CHODL: variants seen among roughly 807,000 people sequenced by gnomAD.
CHODL encodes transmembrane protein MT75.
A neutral mutation model predicts 34.5 loss-of-function variants in CHODL; 29 were observed. The observed-to-expected ratio is 0.84, with a 90% CI of 0.63 to 1.15. The LOEUF (loss-of-function observed/expected upper bound fraction) is 1.15, where lower values mean the gene tolerates loss of function less well. CHODL is among the 50% of genes most tolerant of loss of function. The probability of loss-of-function intolerance (pLI) is 0.00; values close to 1 mark genes in which losing one functional copy is unlikely to be tolerated. For missense variants in CHODL, 332 were observed against 332.5 expected, an observed-to-expected ratio of 1.00 and a Z score of 0.01; for synonymous variants, 125 against 116.1, an observed-to-expected ratio of 1.08 and a Z score of -0.49.
At chr21:18,245,539 C>A (rs1289222555) in intron 1 of CHODL, among the ~76,000 whole-genome samples, 1 of 152,198 alleles carries the variant, frequency 6.6e-6, no homozygotes, top group African/African-American at 2.4e-5. Flanking sequence ...CGGAGCGAGC[C>A]TCTGCTTCAT....
At chr21:18,176,242 A>T (rs953616997) in intron 2 of CHODL, among the ~76,000 whole-genome samples, 7 of 152,204 alleles carry the variant, frequency 4.6e-5, no homozygotes, top group Admixed American at 4.6e-4. Context: ...AAGCTTAATG[A>T]GATTAAGAAA....
intron 1 of CHODL, among the ~76,000 whole-genome samples, chr21:17,981,607 CGTCA>C (rs2063714645): frequency 6.6e-6 from 1 of 152,068 alleles, no homozygotes; most frequent in African/African-American, 2.4e-5. Flanking sequence ...AGGAATAATA[CGTCA>C]AACATTTACA....
chr21:17,941,286 CTT>C (rs34255623), intron 1 of CHODL, among the ~76,000 whole-genome samples: 4,496 of 87,986 alleles, frequency 0.051, 171 homozygotes, highest in African/African-American at 0.14. Context: ...TAACTTGCCT[CTT>C]TTTTTTTTTT....
intron 1 of CHODL, among the ~76,000 whole-genome samples, chr21:18,026,890 T>C (rs1038056813): frequency 1.3e-5 from 2 of 152,180 alleles, no homozygotes; most frequent in African/African-American, 4.8e-5. Context: ...TCAAAATTCA[T>C]TTTTGAAGGA....
chr21:18,057,215 C>G (rs1453308491), intron 2 of CHODL, among the ~76,000 whole-genome samples: 1 of 152,076 alleles, frequency 6.6e-6, no homozygotes, highest in Non-Finnish European at 1.5e-5. Context: ...CAGCATCTAG[C>G]ATTCATGTGG....
intron 2 of CHODL, among the ~76,000 whole-genome samples, chr21:18,136,218 TGTTA>T (rs1437799081): frequency 1.3e-5 from 2 of 151,956 alleles, no homozygotes; most frequent in Non-Finnish European, 2.9e-5. Flanking sequence ...TATAACCAAC[TGTTA>T]GTTCTCCATC....
chr21:18,259,830 C>T (rs2074359310), intron 3 of CHODL, among the ~76,000 whole-genome samples: 1 of 152,178 alleles, frequency 6.6e-6, no homozygotes, highest in African/African-American at 2.4e-5. Flanking sequence ...TGTCTCTGAA[C>T]TGCATTTAAT....
chr21:18,132,494 A>G (rs2072669017), intron 2 of CHODL, among the ~76,000 whole-genome samples: 1 of 152,150 alleles, frequency 6.6e-6, no homozygotes, highest in Non-Finnish European at 1.5e-5. Context: ...CTAAAGTTCA[A>G]ACTTTATTGT....
chr21:18,240,124 A>G (rs1295930386), upstream of CHODL, among the ~76,000 whole-genome samples: 1 of 152,118 alleles, frequency 6.6e-6, no homozygotes, highest in Admixed American at 6.5e-5. Context: ...GCATAATAGC[A>G]ATTGTTATTT....
chr21:17,960,896 C>G (rs73890840), intron 1 of CHODL, among the ~76,000 whole-genome samples: 69 of 152,244 alleles, frequency 4.5e-4, no homozygotes, highest in African/African-American at 1.5e-3. Flanking sequence ...GTTTTTATTT[C>G]TCAAGTTTGT....
At chr21:18,165,941 C>G (rs2073148062) in intron 2 of CHODL, among the ~76,000 whole-genome samples, 1 of 152,104 alleles carries the variant, frequency 6.6e-6, no homozygotes, top group African/African-American at 2.4e-5. Context: ...TTCTATATTA[C>G]AAGTTATTAC....
intron 2 of CHODL, among the ~76,000 whole-genome samples, chr21:18,110,550 A>C (rs1015617657): frequency 2.7e-5 from 4 of 149,372 alleles, no homozygotes; most frequent in Non-Finnish European, 4.5e-5. Flanking sequence ...CATACCTGCC[A>C]ACACCTACAG....
chr21:18,225,023 A>G (rs779714363), intron 2 of CHODL, among the ~76,000 whole-genome samples: 13 of 152,146 alleles, frequency 8.5e-5, no homozygotes, highest in Admixed American at 2.6e-4. Flanking sequence ...GTGATTTTTC[A>G]ATAGGTGTGT....
At chr21:18,146,134 A>AT (rs574946951) in intron 2 of CHODL, among the ~76,000 whole-genome samples, 10,603 of 139,446 alleles carry the variant, frequency 0.076, 621 homozygotes, top group African/African-American at 0.17. Context: ...CGCCCGGTTA[A>AT]TTTTTTTTTT....
chr21:17,992,945 G>A lies in CHODL; in HGVS notation c.-144-34927G>A, dbSNP rs568346599. Among the ~76,000 whole-genome samples, 277 of 152,094 alleles carry A rather than the reference G, an allele frequency of 1.8e-3. 3 individuals are homozygous for A. Among genetic ancestry groups the A allele is most frequent in the Middle Eastern group, 6.8e-3 (2 of 294 alleles). ...TGGGACCACAGGTGTGAGCCACGGCGCCCGGCCGAGGGTTTTTATTTGTAT... is the reference window on the plus strand; with the variant it reads ...TGGGACCACAGGTGTGAGCCACGGCACCCGGCCGAGGGTTTTTATTTGTAT... On this transcript the variant is annotated intron_variant, in intron 1 of 6. Coordinates refer to the CHODL transcript ENST00000400127.
intron 1 of CHODL, among the ~76,000 whole-genome samples, chr21:17,947,542 C>CAA (rs2063420922): frequency 1.2e-5 from 1 of 84,040 alleles, no homozygotes; most frequent in Non-Finnish European, 2.5e-5. Flanking sequence ...AACACACACA[C>CAA]AGACACACAC....
intron 2 of CHODL, among the ~76,000 whole-genome samples, chr21:18,108,689 G>T (rs1198298647): frequency 6.6e-6 from 1 of 152,090 alleles, no homozygotes; most frequent in Non-Finnish European, 1.5e-5. Context: ...TTAAAATTTG[G>T]TCATTCCACT....
chr21:18,207,342 A>T (rs1176030139), intron 2 of CHODL, among the ~76,000 whole-genome samples: 1 of 152,208 alleles, frequency 6.6e-6, no homozygotes, highest in African/African-American at 2.4e-5. Flanking sequence ...GATAAAACGA[A>T]TAAAAACTCA....
intron 2 of CHODL, among the ~76,000 whole-genome samples, chr21:18,208,246 C>G (rs1458235981): frequency 6.7e-6 from 1 of 150,280 alleles, no homozygotes; most frequent in Non-Finnish European, 1.5e-5. Context: ...CTTTCTTCTG[C>G]TTGATCAATT....
Sources: gnomAD v4.1 joint callset for allele counts (sites outside exome capture counted in the v4.1 genomes callset) on GRCh38, gnomAD v4.1.1 for gene constraint, MANE v1.5 for transcripts, NCBI Gene and HGNC (gene_info 2026-07-23, HGNC 2026-07-21) for gene names.